The following PHF12 variants were observed in gnomAD, a reference collection of about 807,000 sequenced individuals.
PHF12 encodes the protein PHD finger protein 12.
PHF12 carries 6 observed loss-of-function variants against 99.8 expected under a neutral mutation model. The ratio of observed to expected loss-of-function variants is 0.06; its 90% CI spans 0.03 to 0.12. The LOEUF (loss-of-function observed/expected upper bound fraction) is 0.12. Ranked by LOEUF, PHF12 falls within the 10% of genes least tolerant of loss-of-function variation. The pLI is 1.00. For missense variants in PHF12, 954 were observed against 1,300.1 expected, an observed-to-expected ratio of 0.73 and a Z score of 4.09; for synonymous variants, 480 against 514.9, an observed-to-expected ratio of 0.93 and a Z score of 0.92.
intron 6 of PHF12, among the ~76,000 whole-genome samples, chr17:28,918,575 G>A (rs1380113270): frequency 6.6e-6 from 1 of 152,212 alleles, no homozygotes; most frequent in African/African-American, 2.4e-5. Flanking sequence ...GCTCTTATGA[G>A]GGAGCTCCTC....
rs373536422 is a variant in PHF12 at position 28,917,307 on chromosome 17, G to A, written c.1112C>T (p.Ser371Leu). ...CACCTTCAAGCTTCTTCTTTTGACC[G>A]ACTGGAGCACACGCCGGTTAGGGGG... Reference protein sequence around the residue: ...KHPPNRRVLQSVKRRSLKVPD... With the variant: ...KHPPNRRVLQLVKRRSLKVPD... Residue 371 changes from serine (S) to leucine (L), a missense_variant, in exon 7 of 15, where the codon TCG (serine) becomes TTG (leucine). Around this residue, in one of 8 missense-constraint regions of PHF12, gnomAD observed 392 missense variants for 423.1 expected, o/e 0.93. Transcript: ENST00000332830. 27 of 1,613,760 alleles carry A rather than the reference G, an allele frequency of 1.7e-5. No homozygotes were observed. The highest frequency in any genetic ancestry group is 1.2e-4 in the Admixed American group (7 of 60,002).
At chr17:28,934,685 A>G (rs1485645308) in intron 2 of PHF12, among the ~76,000 whole-genome samples, 1 of 142,486 alleles carries the variant, frequency 7.0e-6, no homozygotes, top group Non-Finnish European at 1.5e-5. Context: ...ATCTCTGCTC[A>G]CTGCAACCTC....
intron 2 of PHF12, chr17:28,944,429 A>G (rs977912267): frequency 1.2e-6 from 1 of 868,902 alleles, no homozygotes; most frequent in African/African-American, 1.8e-5. Context: ...ACTTGCACTC[A>G]TTTCATAACA....
At chr17:28,940,481 G>A (rs1473615801) in intron 2 of PHF12, among the ~76,000 whole-genome samples, 1 of 152,308 alleles carries the variant, frequency 6.6e-6, no homozygotes, top group Non-Finnish European at 1.5e-5. Flanking sequence ...TACTTATTGT[G>A]AATTCCACAA....
At chr17:28,926,849 T>C in intron 3 of PHF12, 142 bp downstream of exon 3, 2 of 1,547,858 alleles carry the variant, frequency 1.3e-6, no homozygotes, top group South Asian at 2.4e-5. Flanking sequence ...ACAGTCACCA[T>C]GGGAAGAGTG....
intron 5 of PHF12, among the ~76,000 whole-genome samples, chr17:28,921,331 T>TA (rs1243396834): frequency 1.3e-5 from 2 of 152,086 alleles, no homozygotes; most frequent in African/African-American, 2.4e-5. Flanking sequence ...CCTGGTTCAT[T>TA]AAAAAAATTT....
chr17:28,949,893 C>A lies in PHF12; in HGVS notation c.248+172G>T. ...CCCACCGCTGCTCCTCCCCGCTAAA[C>A]TGCCAGAACCCGGCGGACACCTGGG... On this transcript the variant is annotated intron_variant, in intron 2 of 14. Coordinates refer to ENST00000332830, the MANE Select transcript of PHF12 (RefSeq NM_001033561.2). The surrounding 1 kb of genome is among the most constrained non-coding windows in gnomAD (Gnocchi z 4.6). 1 of 725,864 alleles carries A rather than the reference C, an allele frequency of 1.4e-6. No individual in the cohort carries two copies. The highest frequency in any genetic ancestry group is 2.9e-5 in the East Asian group (1 of 34,914). The allele number at this position is 725,864 out of a possible 1,614,324, so 45.0% of individuals were successfully genotyped here.
Position 28,950,532 on chromosome 17 carries a change from A to G in PHF12, c.67-286T>C. ...CCCTTCTTGCCACTTCCTTGTATGG[A>G]CAGTGGGGGACTCCAAAGACCCGCT... On this transcript the variant is annotated intron_variant, in intron 1 of 14. Transcript: ENST00000332830. This position sits in a 1 kb window ranked among gnomAD's most constrained non-coding sequence, Gnocchi z 5.7. 1.9e-6 allele frequency: 1 copy of G among 529,080 alleles called. No homozygotes were observed. The allele number at this position is 529,080 out of a possible 1,614,324, so 32.8% of individuals were successfully genotyped here. A position where few individuals can be genotyped will look rare whatever the true frequency, so the allele number is the denominator to read the frequency against.
At position 28,950,645 on chromosome 17, in the gene PHF12, A is replaced by G. The variant is rs1382812375; in HGVS notation, c.66+250T>C. 2 of 559,694 alleles carry G rather than the reference A, an allele frequency of 3.6e-6. No homozygotes were observed. Among genetic ancestry groups the G allele is most frequent in the Non-Finnish European group, 3.0e-6 (1 of 328,148 alleles). 34.7% of individuals were successfully genotyped at this position (559,694 alleles called of 1,614,324 possible). A position where few individuals can be genotyped will look rare whatever the true frequency, so the allele number is the denominator to read the frequency against. On this transcript the variant is annotated intron_variant, in intron 1 of 14. Coordinates refer to ENST00000332830, the MANE Select transcript of PHF12 (RefSeq NM_001033561.2). This position sits in a 1 kb window ranked among gnomAD's most constrained non-coding sequence, Gnocchi z 5.7. ...AGGGGGTGGGGAGGCCTGCCGGTGC[A>G]ACGAGATGGAGTGGGCTGGCGCCTC...
chr17:28,919,193 C>T lies in PHF12; in HGVS notation c.919G>A (p.Ala307Thr), dbSNP rs1452182929. 4.3e-6 allele frequency: 7 copies of T among 1,614,086 alleles called. No individual in the cohort carries two copies. The Admixed American group carries it at 6.7e-5, about 15-fold the overall frequency. ...HMDCLEPPLT[A>T]MPLGRWMCPN... is the part of the protein sequence containing the mutation. ...CACATCCATCTGCCCAGGGGCATGG[C>T]AGTGAGCGGCGGCTCGAGGCAATCC... Residue 307 changes from alanine to threonine, a missense_variant, in exon 6 of 15, where the codon GCC becomes ACC. This residue lies in a region of PHF12 where 85 missense variants were observed against 196.6 expected (regional missense o/e 0.43). Coordinates refer to ENST00000332830, the MANE Select transcript of PHF12 (RefSeq NM_001033561.2).
intron 7 of PHF12, among the ~76,000 whole-genome samples, chr17:28,915,821 C>A (rs148113698): frequency 6.6e-6 from 1 of 152,294 alleles, no homozygotes; most frequent in East Asian, 1.9e-4. Flanking sequence ...CTCAAACTGT[C>A]CAAGTACAAA....
At chr17:28,928,742 A>AT (rs2040331657) in intron 2 of PHF12, among the ~76,000 whole-genome samples, 1 of 152,004 alleles carries the variant, frequency 6.6e-6, no homozygotes, top group African/African-American at 2.4e-5. Flanking sequence ...AGATTATGTC[A>AT]TTGCACTCCA....
Position 28,950,469 on chromosome 17 carries a change from G to T in PHF12, c.67-223C>A. ...GAGAACAGCTTCTTCCAAATGGGGA[G>T]GATCAAGGGTAGGGGGATGGGAAGA... On this transcript the variant is annotated intron_variant, in intron 1 of 14. Transcript: ENST00000332830. The surrounding 1 kb of genome is among the most constrained non-coding windows in gnomAD (Gnocchi z 5.7). 1.7e-6 allele frequency: 1 copy of T among 593,198 alleles called. No homozygotes were observed. Among genetic ancestry groups the T allele is most frequent in the Non-Finnish European group, 3.0e-6 (1 of 336,462 alleles). The allele number at this position is 593,198 out of a possible 1,614,324, so 36.7% of individuals were successfully genotyped here.
chr17:28,948,786 C>G (rs2040758815), intron 2 of PHF12, among the ~76,000 whole-genome samples: 1 of 152,168 alleles, frequency 6.6e-6, no homozygotes, highest in South Asian at 2.1e-4. Flanking sequence ...AAGGCAACAT[C>G]AAACAACTGG....
Position 28,949,955 on chromosome 17 carries a change from C to A in PHF12, c.248+110G>T. On this transcript the variant is annotated intron_variant, in intron 2 of 14. Transcript: ENST00000332830. The surrounding 1 kb of genome is among the most constrained non-coding windows in gnomAD (Gnocchi z 4.6). ...GCTCGCCCCGGCAGCTGCAGAAAGT[C>A]AGCTAGCGGCTGCAAGCGCCCGTTA... The A allele has an allele frequency of 7.7e-7, 1 of 1,295,856 alleles. No homozygotes were observed. Among genetic ancestry groups the A allele is most frequent in the South Asian group, 1.5e-5 (1 of 68,946 alleles). The allele number at this position is 1,295,856 out of a possible 1,614,324, so 80.3% of individuals were successfully genotyped here. A position where few individuals can be genotyped will look rare whatever the true frequency, so the allele number is the denominator to read the frequency against.
chr17:28,908,020 C>T (rs552109555), intron 12 of PHF12: 1 of 211,304 alleles, frequency 4.7e-6, no homozygotes, highest in African/African-American at 2.3e-5. Flanking sequence ...AGGGAAGTTT[C>T]TAGGGTAAGG....
At chr17:28,911,781 G>A (rs557377694) in intron 9 of PHF12, among the ~76,000 whole-genome samples, 9 of 152,222 alleles carry the variant, frequency 5.9e-5, no homozygotes, top group Admixed American at 1.3e-4. Context: ...AGAGGGTTCC[G>A]GCAGCATCTG....
In PHF12 at chr17:28,907,595, C is replaced by T. The variant is rs1173246867; in HGVS notation, c.2536G>A (p.Asp846Asn). 4 of 1,613,940 alleles carry T rather than the reference C, an allele frequency of 2.5e-6. No individual in the cohort carries two copies. Among genetic ancestry groups the T allele is most frequent in the South Asian group, 1.1e-5 (1 of 91,068 alleles). ...ACCGCATCTCCGGCCCTCACCTCAT[C>T]GTAGAATATGCAGGCATGTTTCCCG... is the stretch of plus-strand genomic sequence containing the variant. The part of the protein sequence containing the change: ...VSGKHACIFY[D>N]ENTKHYELLN... The change falls in exon 13 of 15, where the codon GAT becomes AAT. Residue 846 changes from aspartate to asparagine, a missense_variant. Coordinates refer to ENST00000332830, the MANE Select transcript of PHF12 (RefSeq NM_001033561.2).
chr17:28,950,937 C>T lies in PHF12; in HGVS notation c.24G>A (p.Lys8=). ...ATGTGTCCAAGTCGTACACGATCGT[C>T]TTGGTCTCCATTTTCTCCCACATTC... MWEKMET[K]TIVYDLDTSG... Residue 8 remains lysine (K), a synonymous_variant, in exon 1 of 15, where the codon AAG becomes AAA. Coordinates refer to ENST00000332830, the MANE Select transcript of PHF12 (RefSeq NM_001033561.2). The surrounding 1 kb of genome is among the most constrained non-coding windows in gnomAD (Gnocchi z 5.7). 6.2e-7 allele frequency: 1 copy of T among 1,614,078 alleles called. No homozygotes were observed.
Sources: allele counts gnomAD v4.1 joint callset (sites outside exome capture counted in the v4.1 genomes callset), GRCh38; gene constraint gnomAD v4.1.1; regional missense constraint gnomAD v4.1.1; non-coding constraint Gnocchi (gnomAD v3.1); transcripts MANE v1.5; gene names NCBI Gene and HGNC (gene_info 2026-07-23, HGNC 2026-07-21).